UBA6: variants seen among roughly 807,000 people sequenced by gnomAD.
UBA6 encodes the protein ubiquitin like modifier activating enzyme 6.
A neutral mutation model predicts 148.3 loss-of-function variants in UBA6; 87 were observed. The observed-to-expected ratio is 0.59, with a 90% CI of 0.49 to 0.70. The LOEUF is 0.70. Among genes scored for constraint, UBA6 ranks in the 30% least tolerant of loss-of-function variants. The pLI, the probability that UBA6 is intolerant of heterozygous loss-of-function variation, is 0.00. For synonymous variants in UBA6, 376 were observed against 401.0 expected (o/e 0.94, Z 0.75); for missense variants, 1,186 against 1,241.2 (o/e 0.96, Z 0.67).
chr4:67,693,567 A>C (rs1480841710), intron 2 of UBA6, among the ~76,000 whole-genome samples: 1 of 152,160 alleles, frequency 6.6e-6, no homozygotes, highest in Non-Finnish European at 1.5e-5. Context: ...CACACTTAAA[A>C]ACTTGTTAGT....
At chr4:67,701,021 C>T in intron 1 of UBA6, 28 bp downstream of exon 1, 1 of 1,613,248 alleles carries the variant, frequency 6.2e-7, no homozygotes. Context: ...CCCGCGACCC[C>T]TCACCTTCGC....
chr4:67,662,154 C>T, intron 13 of UBA6, 35 bp downstream of exon 13: 2 of 1,597,014 alleles, frequency 1.3e-6, no homozygotes, highest in Non-Finnish European at 1.7e-6. Context: ...TATTAACAAA[C>T]AAATATTCGG....
At chr4:67,623,552 G>A (rs1321483404) in intron 30 of UBA6, among the ~76,000 whole-genome samples, 1 of 151,958 alleles carries the variant, frequency 6.6e-6, no homozygotes, top group Admixed American at 6.6e-5. Flanking sequence ...TGGACACTTC[G>A]GTTATTCTAA....
rs1251031588 is a variant in UBA6 at position 67,677,603 on chromosome 4, G to T, written c.465+8C>A. On this transcript the variant is annotated splice_region_variant and intron_variant, in intron 6 of 32. Coordinates refer to ENST00000322244, the MANE Select transcript of UBA6 (RefSeq NM_018227.6). ...TCAATAACATTTAATACAAAATGGA[G>T]TACTAACCTGGTATTTATCTAAAAA... 9.4e-6 allele frequency: 13 copies of T among 1,381,106 alleles called. No individual in the cohort carries two copies. The African/African-American group carries it at 1.7e-4, about 18-fold the overall frequency. 85.6% of individuals were successfully genotyped at this position (1,381,106 alleles called of 1,614,324 possible). A position where few individuals can be genotyped will look rare whatever the true frequency, so the allele number is the denominator to read the frequency against.
At chr4:67,636,870 G>A (rs1216244845) in intron 19 of UBA6, among the ~76,000 whole-genome samples, 1 of 151,958 alleles carries the variant, frequency 6.6e-6, no homozygotes, top group South Asian at 2.1e-4. Context: ...GGGATGTGAG[G>A]AGCCCCTCTG....
Position 67,630,565 on chromosome 4 carries a change from TG to T in UBA6, c.2259-31del, listed in dbSNP as rs539079708. On this transcript the variant is annotated intron_variant, in intron 25 of 32. Coordinates refer to ENST00000322244, the MANE Select transcript of UBA6 (RefSeq NM_018227.6). Reference sequence around the variant, plus strand: ...TGAAATTAAAAAATAAAGCAAAATTTGAATGTACAGTTTTAAAGACGATATT... The same window carrying T: ...TGAAATTAAAAAATAAAGCAAAATTTAATGTACAGTTTTAAAGACGATATT... 2.3e-3 allele frequency: 3,362 copies of T among 1,458,666 alleles called. 7 individuals carry two copies. Among genetic ancestry groups the T allele is most frequent in the Non-Finnish European group, 2.5e-3 (2,666 of 1,069,074 alleles). The allele number at this position is 1,458,666 out of a possible 1,614,324, so 90.4% of individuals were successfully genotyped here.
At chr4:67,619,484 T>C (rs1431287061) in intron 32 of UBA6, among the ~76,000 whole-genome samples, 1 of 152,192 alleles carries the variant, frequency 6.6e-6, no homozygotes, top group Non-Finnish European at 1.5e-5. Context: ...GAGACCAGCC[T>C]GGCCCACATG....
chr4:67,637,299 C>T (rs1161724423), intron 19 of UBA6, among the ~76,000 whole-genome samples: 12 of 150,736 alleles, frequency 8.0e-5, no homozygotes, highest in African/African-American at 2.9e-4. Context: ...GCCAGCCGCC[C>T]CGTCCGGGAG....
chr4:67,693,489 A>T (rs1292731367), intron 2 of UBA6, among the ~76,000 whole-genome samples: 1 of 152,170 alleles, frequency 6.6e-6, no homozygotes, highest in Non-Finnish European at 1.5e-5. Flanking sequence ...ACTGCACAAG[A>T]GGTAGGGTGG....
At chr4:67,650,803 C>T (rs1729537403) in intron 13 of UBA6, among the ~76,000 whole-genome samples, 1 of 152,060 alleles carries the variant, frequency 6.6e-6, no homozygotes, top group Admixed American at 6.5e-5. Context: ...AGGTATAAAA[C>T]TGGTGGCAGA....
intron 13 of UBA6, among the ~76,000 whole-genome samples, chr4:67,656,385 T>C (rs1348655966): frequency 1.3e-5 from 2 of 152,128 alleles, no homozygotes; most frequent in Non-Finnish European, 2.9e-5. Context: ...CATATGCAAA[T>C]CAATAAATGT....
chr4:67,661,837 T>C (rs1180754311), intron 13 of UBA6: 3 of 303,148 alleles, frequency 9.9e-6, no homozygotes, highest in Non-Finnish European at 1.8e-5. Context: ...AGGTGACTTA[T>C]ATAAGAAAGC....
Position 67,677,649 on chromosome 4 carries a change from T to C in UBA6, c.427A>G (p.Asn143Asp). Reference sequence around the variant, plus strand: ...AAAAAGGAGAGATCTGTGGTCTCATTGAAAGGAACAGAAGATGATGTGACA... The same window carrying C: ...AAAAAGGAGAGATCTGTGGTCTCATCGAAAGGAACAGAAGATGATGTGACA... ...VHVTSSSVPF[N>D]ETTDLSFLDK... Residue 143 changes from asparagine to aspartate, a missense_variant, in exon 6 of 33, where the codon AAT becomes GAT. Coordinates refer to ENST00000322244, the MANE Select transcript of UBA6 (RefSeq NM_018227.6). 1 of 1,604,152 alleles carries C rather than the reference T, an allele frequency of 6.2e-7. No homozygotes were observed. The highest frequency in any genetic ancestry group is 8.5e-7 in the Non-Finnish European group (1 of 1,172,204).
At chr4:67,674,535 G>A (rs1449216093) in intron 6 of UBA6, among the ~76,000 whole-genome samples, 1 of 152,242 alleles carries the variant, frequency 6.6e-6, no homozygotes, top group East Asian at 1.9e-4. Context: ...TGGGGGACGG[G>A]GGCGAGGAAG....
chr4:67,698,815 C>T (rs1730902418), intron 1 of UBA6, among the ~76,000 whole-genome samples: 2 of 151,962 alleles, frequency 1.3e-5, no homozygotes, highest in South Asian at 4.2e-4. Flanking sequence ...CAAAAATTAG[C>T]CAGATGTAGT....
chr4:67,689,385 T>C (rs1730644164), intron 2 of UBA6, among the ~76,000 whole-genome samples: 1 of 152,144 alleles, frequency 6.6e-6, no homozygotes, highest in South Asian at 2.1e-4. Flanking sequence ...GTATCAACCT[T>C]ACATATCTCA....
At chr4:67,686,754 C>A (rs1235511239) in intron 2 of UBA6, among the ~76,000 whole-genome samples, 4 of 151,460 alleles carry the variant, frequency 2.6e-5, no homozygotes, top group South Asian at 2.1e-4. Flanking sequence ...GAGTTTGAGA[C>A]CAGCCTGGGC....
intron 26 of UBA6, 76 bp from the exon 27 acceptor site, chr4:67,629,218 C>A: frequency 1.1e-6 from 1 of 912,186 alleles, no homozygotes; most frequent in Non-Finnish European, 1.8e-6. Context: ...TACAAAAGGT[C>A]CTTAATCATA....
chr4:67,663,756 A>AAAGG, intron 11 of UBA6, 129 bp downstream of exon 11: 12 of 722,650 alleles, frequency 1.7e-5, no homozygotes, highest in Non-Finnish European at 2.9e-5. Context: ...TATAACCTTT[A>AAAGG]TTATACTCAC....
Sources: gnomAD v4.1 joint callset for allele counts (sites outside exome capture counted in the v4.1 genomes callset) on GRCh38, gnomAD v4.1.1 for gene constraint, MANE v1.5 for transcripts, NCBI Gene and HGNC (gene_info 2026-07-23, HGNC 2026-07-21) for gene names.